SYTL5: variants seen among roughly 807,000 people sequenced by gnomAD.
SYTL5 encodes synaptotagmin like 5, also known as synaptotagmin-like protein 5.
SYTL5 carries 34 observed loss-of-function variants against 55.9 expected under a neutral mutation model. That is an observed-to-expected ratio of 0.61 (90% CI 0.46 to 0.81). The LOEUF (loss-of-function observed/expected upper bound fraction) is 0.81, where lower values mean the gene tolerates loss of function less well. Among genes scored for constraint, SYTL5 ranks in the 30% least tolerant of loss-of-function variants. The pLI is 0.00. For synonymous variants in SYTL5, 221 were observed against 188.7 expected, an observed-to-expected ratio of 1.17 and a Z score of -1.40; for missense variants, 637 against 546.7, an observed-to-expected ratio of 1.17 and a Z score of -1.65.
At chrX:37,955,823 C>G in the SYTL5 span, among the ~76,000 whole-genome samples, 2 of 111,575 alleles carry the variant, frequency 1.8e-5, no homozygotes, top group African/African-American at 6.5e-5. Context: ...CCCAAGCTTC[C>G]AACCTGAGCA....
At position 38,054,244 on chromosome X, in the gene SYTL5, C is replaced by T. The variant is rs762093952; in HGVS notation, c.151C>T (p.Arg51Cys). The change falls in exon 3 of 17, where the codon CGT (arginine) becomes TGT (cysteine). Residue 51 changes from arginine (R) to cysteine (C), a missense_variant. Arg to Cys is a radical substitution (Grantham distance 180). Coordinates refer to ENST00000297875, the MANE Select transcript of SYTL5 (RefSeq NM_138780.3). ...KLKNELLEAKRRSGKTQQEAS... is the reference protein window; with the variant it reads ...KLKNELLEAKCRSGKTQQEAS... ...GAAAAATGAACTCTTAGAAGCAAAA[C>T]GTAGAAGTGGGAAAACTCAACAAGA... 14 of 1,210,081 alleles carry T rather than the reference C, an allele frequency of 1.2e-5. No individual in the cohort carries two copies. The highest frequency in any genetic ancestry group is 4.6e-4 in the Middle Eastern group (2 of 4,352).
At chrX:38,029,420 T>C (rs894670287) in intron 1 of SYTL5, among the ~76,000 whole-genome samples, 4 of 112,628 alleles carry the variant, frequency 3.6e-5, no homozygotes, top group African/African-American at 9.7e-5. Flanking sequence ...AATAACATAT[T>C]ACAATGTTAG....
intron 5 of SYTL5, 37 bp downstream of exon 5, chrX:38,073,735 T>C (rs1936324727): frequency 3.1e-6 from 3 of 968,380 alleles, no homozygotes; most frequent in Non-Finnish European, 4.3e-6. Context: ...TTTTGATCTT[T>C]ATTCCAGACA....
intron 10 of SYTL5, 40 bp downstream of exon 10, chrX:38,102,474 C>T (rs921405735): frequency 7.2e-6 from 7 of 972,924 alleles, no homozygotes; most frequent in Non-Finnish European, 7.3e-6. Flanking sequence ...TTTCTTTTCC[C>T]TCTTTTTGAT....
intron 9 of SYTL5, 80 bp downstream of exon 9, chrX:38,096,314 GTGA>G (rs1434417064): frequency 1.9e-6 from 1 of 526,377 alleles, no homozygotes; most frequent in African/African-American, 2.3e-5. Context: ...TCACTTTTAG[GTGA>G]TGATGAGTTG....
At chrX:37,897,141 C>T in the SYTL5 span, among the ~76,000 whole-genome samples, 5 of 111,849 alleles carry the variant, frequency 4.5e-5, no homozygotes, top group African/African-American at 1.6e-4. Flanking sequence ...GCATGTCTGG[C>T]TCTTTTTGAA....
At chrX:38,063,167 CTGA>C (rs913157002) in intron 3 of SYTL5, among the ~76,000 whole-genome samples, 10 of 110,995 alleles carry the variant, frequency 9.0e-5, no homozygotes, top group African/African-American at 3.3e-4. Context: ...CATCTTTGGC[CTGA>C]TGAGTGAGTA....
the SYTL5 span, among the ~76,000 whole-genome samples, chrX:37,922,049 T>C: frequency 1.8e-5 from 2 of 112,265 alleles, no homozygotes; most frequent in Non-Finnish European, 3.8e-5. Flanking sequence ...ATTTTGGCTT[T>C]TGTGGTTTTA....
rs751048122 is a variant in SYTL5, at chrX:38,107,797, C to T, written c.1335-803C>T. The stretch of plus-strand genomic sequence containing the variant: ...TGGATTTTGACTACAGATTGGTCCA[C>T]CTGCCTCCTCAGCTACATTTCAGAG... On this transcript the variant is annotated intron_variant, in intron 11 of 16. Transcript: ENST00000297875. Among the ~76,000 whole-genome samples the T allele has an allele frequency of 2.7e-5, 3 of 112,111 alleles. No individual in the cohort carries two copies. The South Asian group carries it at 1.1e-3, about 42-fold the overall frequency.
the SYTL5 span, among the ~76,000 whole-genome samples, chrX:37,980,894 C>T: frequency 8.9e-6 from 1 of 111,945 alleles, no homozygotes; most frequent in African/African-American, 3.3e-5. Context: ...AGATTCTAAT[C>T]CATGTGTGAT....
At chrX:38,066,658 G>A (rs1936108507) in intron 3 of SYTL5, among the ~76,000 whole-genome samples, 1 of 110,302 alleles carries the variant, frequency 9.1e-6, no homozygotes, top group African/African-American at 3.3e-5. Context: ...ACATGCACAC[G>A]CACACACACA....
At chrX:38,089,423 T>A (rs1222950949) in intron 6 of SYTL5, 23 bp from the exon 7 acceptor site, 1 of 1,190,726 alleles carries the variant, frequency 8.4e-7, no homozygotes, top group East Asian at 3.0e-5. Flanking sequence ...CATGTTAAAG[T>A]CAGAATATGC....
chrX:37,984,676 A>G, the SYTL5 span, among the ~76,000 whole-genome samples: 1 of 111,393 alleles, frequency 9.0e-6, no homozygotes, highest in East Asian at 2.8e-4. Context: ...AGATAAAGAC[A>G]TCACAAGAAA....
chrX:38,084,048 G>A (rs2147476789), intron 6 of SYTL5, among the ~76,000 whole-genome samples: 1 of 111,241 alleles, frequency 9.0e-6, no homozygotes, highest in South Asian at 3.9e-4. Context: ...CCTAGAGGAA[G>A]GAATGCTACA....
At chrX:38,089,394 T>C in intron 6 of SYTL5, 52 bp from the exon 7 acceptor site, 8 of 1,157,794 alleles carry the variant, frequency 6.9e-6, no homozygotes, top group Non-Finnish European at 9.2e-6. Context: ...GCCTGTGTAT[T>C]TGGTTGCTGC....
intron 1 of SYTL5, among the ~76,000 whole-genome samples, chrX:38,019,206 C>T (rs1934459463): frequency 8.9e-6 from 1 of 112,246 alleles, no homozygotes; most frequent in Admixed American, 9.5e-5. Flanking sequence ...GCCTCTTTCG[C>T]TGTGTTTCCT....
intron 6 of SYTL5, among the ~76,000 whole-genome samples, chrX:38,077,271 G>A (rs898713191): frequency 4.5e-5 from 5 of 111,118 alleles, no homozygotes; most frequent in Non-Finnish European, 7.5e-5. Context: ...TTTTATATCA[G>A]GCGTGATTTT....
At chrX:38,083,949 C>T (rs1331572235) in intron 6 of SYTL5, among the ~76,000 whole-genome samples, 1 of 109,697 alleles carries the variant, frequency 9.1e-6, no homozygotes, top group African/African-American at 3.3e-5. Context: ...TCTCTCTGAC[C>T]TTCTGCTGTC....
chrX:37,889,485 A>T, the SYTL5 span, among the ~76,000 whole-genome samples: 2 of 111,917 alleles, frequency 1.8e-5, no homozygotes, highest in Admixed American at 1.9e-4. Context: ...TACAAATATC[A>T]TTAATCCTAA....
Sources: allele counts gnomAD v4.1 joint callset (sites outside exome capture counted in the v4.1 genomes callset), GRCh38; gene constraint gnomAD v4.1.1; transcripts MANE v1.5; gene names NCBI Gene and HGNC (gene_info 2026-07-23, HGNC 2026-07-21).